Variants in MTUS1 observed in about 807,000 individuals in gnomAD.
The protein encoded by MTUS1 is microtubule associated scaffold protein 1, also known as microtubule-associated tumor suppressor 1.
In MTUS1, 109 loss-of-function variants were observed where a neutral mutation model predicts 120.8. The ratio of observed to expected loss-of-function variants is 0.90; its 90% CI spans 0.77 to 1.06. The LOEUF is 1.06. Ranked by LOEUF, MTUS1 falls within the 50% of genes least tolerant of loss-of-function variation. The probability of loss-of-function intolerance (pLI) is 0.00; values close to 1 mark genes in which losing one functional copy is unlikely to be tolerated. For synonymous variants in MTUS1, 737 were observed against 550.5 expected (o/e 1.34, Z -4.74); for missense variants, 2,210 against 1,486.3 (o/e 1.49, Z -8.01).
chr8:17,757,811 G>A (rs1253410567), intron 1 of MTUS1, among the ~76,000 whole-genome samples: 1 of 152,164 alleles, frequency 6.6e-6, no homozygotes, highest in African/African-American at 2.4e-5. Flanking sequence ...ACAGGCATGA[G>A]CCACCACGCC....
chr8:17,648,771 G>C (rs3862086), intron 13 of MTUS1, among the ~76,000 whole-genome samples: 11,635 of 152,250 alleles, frequency 0.076, 613 homozygotes, highest in African/African-American at 0.13. Flanking sequence ...GGCTGGTTTG[G>C]GTTTGAATGA....
rs767656931 is a variant in MTUS1, at chr8:17,693,897, G to A, written c.2624-9355C>T. 3.9e-5 allele frequency among the ~76,000 whole-genome samples: 6 copies of A among 152,174 alleles called. 1 individual carries two copies. The highest frequency in any genetic ancestry group is 1.4e-4 in the African/African-American group (6 of 41,462). ...TCTAACGGGTACTTCTTTATGAAACGAATGAATTAATCTGTAATGTGAAAG... is the reference window on the plus strand; with the variant it reads ...TCTAACGGGTACTTCTTTATGAAACAAATGAATTAATCTGTAATGTGAAAG... On this transcript the variant is annotated intron_variant, in intron 6 of 14. Coordinates refer to ENST00000693296, the MANE Select transcript of MTUS1 (RefSeq NM_001363059.2).
At chr8:17,762,408 C>T (rs1382611869) in intron 1 of MTUS1, among the ~76,000 whole-genome samples, 1 of 152,220 alleles carries the variant, frequency 6.6e-6, no homozygotes, top group Non-Finnish European at 1.5e-5. Context: ...AACAGTTCTA[C>T]TCTAAGCCTC....
At chr8:17,715,388 T>A (rs1414680812) in intron 5 of MTUS1, among the ~76,000 whole-genome samples, 1 of 152,194 alleles carries the variant, frequency 6.6e-6, no homozygotes, top group East Asian at 1.9e-4. Context: ...AACAATGTCT[T>A]AGACCAAAGA....
intron 1 of MTUS1, among the ~76,000 whole-genome samples, chr8:17,770,065 G>C (rs1451313484): frequency 1.3e-5 from 2 of 152,080 alleles, no homozygotes; most frequent in African/African-American, 4.8e-5. Flanking sequence ...ACAATTGTTG[G>C]TGTAACCATA....
At chr8:17,722,945 T>C (rs1013264944) in intron 4 of MTUS1, among the ~76,000 whole-genome samples, 2 of 152,326 alleles carry the variant, frequency 1.3e-5, no homozygotes, top group Middle Eastern at 3.4e-3. Context: ...TCTGGTTTTA[T>C]TGGTATTCTC....
At chr8:17,784,551 T>C (rs1255489793) in intron 1 of MTUS1, among the ~76,000 whole-genome samples, 1 of 152,144 alleles carries the variant, frequency 6.6e-6, no homozygotes, top group Non-Finnish European at 1.5e-5. Flanking sequence ...TGCCTCGGCC[T>C]CCCAAAGTAT....
intron 1 of MTUS1, among the ~76,000 whole-genome samples, chr8:17,784,539 C>A (rs930814867): frequency 6.6e-6 from 1 of 152,108 alleles, no homozygotes; most frequent in Admixed American, 6.5e-5. Flanking sequence ...AGGTGATCTG[C>A]CTGCCTCGGC....
At chr8:17,744,894 G>A (rs1036682734) in intron 2 of MTUS1, among the ~76,000 whole-genome samples, 3 of 151,996 alleles carry the variant, frequency 2.0e-5, no homozygotes, top group Non-Finnish European at 4.4e-5. Context: ...TGATCTGTAA[G>A]TCCCTACTTC....
In MTUS1 at chr8:17,674,495, C is replaced by G. The variant is rs1482047199; in HGVS notation, c.2905+691G>C. On this transcript the variant is annotated intron_variant, in intron 8 of 14. Transcript: ENST00000693296. ...CAGTGTCGTGTCTGTTCCATGAACC[C>G]TAAGGGCTTCCAGGAGAGAATGGAA... 3 of 985,102 alleles carry G rather than the reference C, an allele frequency of 3.0e-6. No homozygotes were observed. The African/African-American group carries it at 5.2e-5, about 17-fold the overall frequency. 61.0% of individuals were successfully genotyped at this position (985,102 alleles called of 1,614,324 possible). A position where few individuals can be genotyped will look rare whatever the true frequency, so the allele number is the denominator to read the frequency against.
At chr8:17,649,747 GGAGCAGTTAACCC>G in intron 13 of MTUS1, 86 bp downstream of exon 13, 2 of 700,458 alleles carry the variant, frequency 2.9e-6, no homozygotes, top group Non-Finnish European at 5.1e-6. Context: ...AATATCTTTA[GGAGCAGTTAACCC>G]AACTCCACAG....
At chr8:17,699,818 A>G (rs1818686251) in intron 6 of MTUS1, among the ~76,000 whole-genome samples, 1 of 152,164 alleles carries the variant, frequency 6.6e-6, no homozygotes, top group South Asian at 2.1e-4. Context: ...CTTACAATCT[A>G]CTGCTCCAAG....
chr8:17,732,067 T>C (rs1271450428), intron 3 of MTUS1, among the ~76,000 whole-genome samples: 1 of 152,226 alleles, frequency 6.6e-6, no homozygotes, highest in African/African-American at 2.4e-5. Context: ...TGCCCTGAGA[T>C]GCCGTCCTTT....
chr8:17,799,765 T>C (rs902585786), intron 1 of MTUS1, among the ~76,000 whole-genome samples: 1 of 152,196 alleles, frequency 6.6e-6, no homozygotes, highest in Non-Finnish European at 1.5e-5. Flanking sequence ...TTTCTCTTCA[T>C]AAACCTGATT....
chr8:17,680,362 G>A (rs1293937385), intron 7 of MTUS1, among the ~76,000 whole-genome samples: 1 of 150,448 alleles, frequency 6.6e-6, no homozygotes, highest in Non-Finnish European at 1.5e-5. Flanking sequence ...TACTCAGGAG[G>A]CTGAGTCAGG....
intron 12 of MTUS1, among the ~76,000 whole-genome samples, chr8:17,650,443 G>A (rs544873528): frequency 2.6e-5 from 4 of 152,152 alleles, no homozygotes; most frequent in Non-Finnish European, 5.9e-5. Context: ...ATGGGGCTAC[G>A]TTGACTGGGC....
chr8:17,671,202 A>G (rs1009201409), intron 8 of MTUS1, among the ~76,000 whole-genome samples: 3 of 152,152 alleles, frequency 2.0e-5, no homozygotes, highest in African/African-American at 7.2e-5. Flanking sequence ...ATGCAAATAA[A>G]GTTATGTCAG....
intron 12 of MTUS1, among the ~76,000 whole-genome samples, chr8:17,650,874 T>C (rs1345099872): frequency 4.6e-5 from 7 of 152,210 alleles, no homozygotes; most frequent in African/African-American, 1.7e-4. Context: ...TATGGTCCAC[T>C]GATCAGATAT....
In MTUS1 at chr8:17,653,244, A is replaced by G; in HGVS notation, c.3326T>C (p.Leu1109Ser). The G allele has an allele frequency of 1.3e-6, 2 of 1,559,040 alleles. No individual in the cohort carries two copies. The highest frequency in any genetic ancestry group is 8.6e-7 in the Non-Finnish European group (1 of 1,157,378). ...INDLKSENDA[L>S]NEKLKSEEQK... ...TTCTTCTGATTTCAATTTTTCATTT[A>G]AAGCATCATTTTCACTCTTCAGATC... is the stretch of plus-strand genomic sequence containing the variant. The change falls in exon 12 of 15, where the codon TTA becomes TCA. Residue 1109 changes from leucine to serine, a missense_variant. Transcript: ENST00000693296.
Sources: gnomAD v4.1 joint callset for allele counts (sites outside exome capture counted in the v4.1 genomes callset) on GRCh38, gnomAD v4.1.1 for gene constraint, MANE v1.5 for transcripts, NCBI Gene and HGNC (gene_info 2026-07-23, HGNC 2026-07-21) for gene names.